TMEM11: variants seen among roughly 807,000 people sequenced by gnomAD.
TMEM11 encodes the protein transmembrane protein 11, mitochondrial.
TMEM11 carries 1 observed loss-of-function variant against 17.0 expected under a neutral mutation model. The ratio of observed to expected loss-of-function variants is 0.06; its 90% confidence interval spans 0.02 to 0.28. The LOEUF (loss-of-function observed/expected upper bound fraction) is 0.28. Among genes scored for constraint, TMEM11 ranks in the 10% least tolerant of loss-of-function variants. The pLI, the probability that TMEM11 is intolerant of heterozygous loss-of-function variation, is 1.00. For synonymous variants in TMEM11, 122 were observed against 118.1 expected, an observed-to-expected ratio of 1.03 and a Z score of -0.21; for missense variants, 172 against 252.9, an observed-to-expected ratio of 0.68 and a Z score of 2.17.
In TMEM11 at chr17:21,198,853, G is replaced by C; in HGVS notation, c.63-13C>G. The stretch of plus-strand genomic sequence containing the variant: ...CGACAAGCTCACCCTTTTGATGGAG[G>C]GGGCAGGAAAGGGAGAGAGAGAGAG... On this transcript the variant is annotated splice_polypyrimidine_tract_variant and intron_variant, in intron 1 of 1. Coordinates refer to ENST00000317635, the MANE Select transcript of TMEM11 (RefSeq NM_003876.3). This position sits in a 1 kb window ranked among gnomAD's most constrained non-coding sequence, Gnocchi z 6.5. 3.1e-6 allele frequency: 5 copies of C among 1,601,238 alleles called. No homozygotes were observed. The highest frequency in any genetic ancestry group is 2.6e-6 in the Non-Finnish European group (3 of 1,172,320).
At chr17:21,200,050 C>G (rs1466289494) in intron 1 of TMEM11, among the ~76,000 whole-genome samples, 3 of 152,204 alleles carry the variant, frequency 2.0e-5, no homozygotes, top group South Asian at 2.1e-4. Flanking sequence ...CTTTCCCCCC[C>G]GGGACTGGGG....
chr17:21,210,970 G>A (rs1974996845), intron 1 of TMEM11: 2 of 1,289,042 alleles, frequency 1.6e-6, no homozygotes, highest in East Asian at 1.1e-4. Flanking sequence ...GGGAGGTTCA[G>A]GGGCCCTGAG....
intron 1 of TMEM11, chr17:21,213,868 C>A: frequency 3.6e-6 from 2 of 556,572 alleles, no homozygotes; most frequent in South Asian, 2.1e-5. Context: ...CTACCTTACT[C>A]AGCCCGGCTA....
chr17:21,204,560 T>C (rs971614646), intron 1 of TMEM11, among the ~76,000 whole-genome samples: 10 of 151,932 alleles, frequency 6.6e-5, no homozygotes, highest in African/African-American at 1.9e-4. Context: ...CTATACGTAG[T>C]GTATTTTTAA....
rs961295819 is a variant in TMEM11 at position 21,211,177 on chromosome 17, C to T, written c.62+2914G>A. 7 of 1,289,724 alleles carry T rather than the reference C, an allele frequency of 5.4e-6. No homozygotes were observed. In the African/African-American group the frequency reaches 9.1e-5, roughly 17 times the overall value. The allele number at this position is 1,289,724 out of a possible 1,614,324, so 79.9% of individuals were successfully genotyped here. A position where few individuals can be genotyped will look rare whatever the true frequency, so the allele number is the denominator to read the frequency against. ...GTGTGCTGAATTTTGGACAAGAATT[C>T]AGGTTACAGCTCAGAGTCTGATGTT... On this transcript the variant is annotated intron_variant, in intron 1 of 1. Transcript: ENST00000317635.
chr17:21,206,826 G>A (rs531334300), intron 1 of TMEM11, among the ~76,000 whole-genome samples: 121 of 152,224 alleles, frequency 7.9e-4, no homozygotes, highest in African/African-American at 2.8e-3. Context: ...GGCCTGATTT[G>A]TATTTTTTAA....
At chr17:21,200,195 C>A (rs945277705) in intron 1 of TMEM11, among the ~76,000 whole-genome samples, 36 of 152,254 alleles carry the variant, frequency 2.4e-4, no homozygotes, top group Non-Finnish European at 3.8e-4. Context: ...GGCAGTCTTG[C>A]TTTTCTTGGT....
intron 1 of TMEM11, among the ~76,000 whole-genome samples, chr17:21,205,364 T>A (rs1974931279): frequency 6.6e-6 from 1 of 152,234 alleles, no homozygotes; most frequent in Non-Finnish European, 1.5e-5. Context: ...TCACACATTC[T>A]AAGGCGGCAG....
At chr17:21,212,723 T>C (rs1975016027) in intron 1 of TMEM11, among the ~76,000 whole-genome samples, 2 of 152,250 alleles carry the variant, frequency 1.3e-5, no homozygotes, top group Admixed American at 1.3e-4. Context: ...CAGATGCTTT[T>C]AGTCCAACAA....
intron 1 of TMEM11, among the ~76,000 whole-genome samples, chr17:21,202,099 C>T (rs930054059): frequency 6.6e-5 from 10 of 152,102 alleles, no homozygotes; most frequent in Non-Finnish European, 1.3e-4. Flanking sequence ...CGGGGAGGGG[C>T]GGGGCCTCCA....
intron 1 of TMEM11, 197 bp downstream of exon 1, chr17:21,213,894 A>C: frequency 1.7e-6 from 1 of 595,416 alleles, no homozygotes; most frequent in East Asian, 3.0e-5. Flanking sequence ...CCTTCCCCTA[A>C]GCTCTCCGCC....
intron 1 of TMEM11, among the ~76,000 whole-genome samples, chr17:21,210,689 T>C (rs1157207053): frequency 6.6e-6 from 1 of 152,146 alleles, no homozygotes; most frequent in Non-Finnish European, 1.5e-5. Flanking sequence ...GAATAAAGCA[T>C]GGCAAGGAAA....
rs966132421 is a variant in TMEM11 at position 21,206,027 on chromosome 17, CTT to C, written c.63-7189_63-7188del. 9.4e-5 allele frequency among the ~76,000 whole-genome samples: 13 copies of C among 138,180 alleles called. No homozygotes were observed. The East Asian group carries it at 1.6e-3, about 17-fold the overall frequency. The allele number at this position is 138,180 out of a possible 152,430, so 90.7% of individuals were successfully genotyped here. A position where few individuals can be genotyped will look rare whatever the true frequency, so the allele number is the denominator to read the frequency against. On this transcript the variant is annotated intron_variant, in intron 1 of 1. Transcript: ENST00000317635. ...TATGAACATGGGTGCACAAACATCT[CTT>C]TGAGTCCCTGCTTTTTTTGGGGGGG...
At chr17:21,199,861 A>C (rs1181189110) in intron 1 of TMEM11, among the ~76,000 whole-genome samples, 1 of 152,218 alleles carries the variant, frequency 6.6e-6, no homozygotes, top group Non-Finnish European at 1.5e-5. Flanking sequence ...AGGAAAAGAC[A>C]ACGCTTCAAG....
chr17:21,202,067 GCTGGCTGTGGCC>G (rs1202055049), intron 1 of TMEM11, among the ~76,000 whole-genome samples: 1 of 152,204 alleles, frequency 6.6e-6, no homozygotes, highest in Non-Finnish European at 1.5e-5. Flanking sequence ...GGCGCAATGG[GCTGGCTGTGGCC>G]CTGGGTGTGC....
At chr17:21,207,617 G>A (rs1039497218) in intron 1 of TMEM11, among the ~76,000 whole-genome samples, 3 of 151,996 alleles carry the variant, frequency 2.0e-5, no homozygotes, top group Non-Finnish European at 2.9e-5. Context: ...GCTAGGCGCG[G>A]TGGCTCACGC....
intron 1 of TMEM11, among the ~76,000 whole-genome samples, chr17:21,199,328 G>GGAAAAAA (rs534888975): frequency 5.1e-5 from 4 of 78,314 alleles, no homozygotes; most frequent in African/African-American, 2.1e-4. Context: ...CTCAGTCTCA[G>GGAAAAAA]AAAAAAAAAA....
At chr17:21,203,987 T>C (rs912690123) in intron 1 of TMEM11, among the ~76,000 whole-genome samples, 4 of 131,164 alleles carry the variant, frequency 3.0e-5, no homozygotes, top group Non-Finnish European at 6.6e-5. Flanking sequence ...TTAAATTATA[T>C]GGACTTTTTT....
At chr17:21,201,448 A>G (rs1597769491) in intron 1 of TMEM11, among the ~76,000 whole-genome samples, 1 of 152,176 alleles carries the variant, frequency 6.6e-6, no homozygotes, top group East Asian at 1.9e-4. Flanking sequence ...TGACTGTGCC[A>G]GTGTCACGGC....
Sources: allele counts gnomAD v4.1 joint callset (sites outside exome capture counted in the v4.1 genomes callset), GRCh38; gene constraint gnomAD v4.1.1; non-coding constraint Gnocchi (gnomAD v3.1); transcripts MANE v1.5; gene names NCBI Gene and HGNC (gene_info 2026-07-23, HGNC 2026-07-21).